NDE1: variants seen among roughly 807,000 people sequenced by gnomAD.
NDE1 encodes the protein nuclear distribution protein nudE homolog 1.
In NDE1, 28 loss-of-function variants were observed where a neutral mutation model predicts 43.4. The ratio of observed to expected loss-of-function variants is 0.65; its 90% CI spans 0.48 to 0.89. The LOEUF (loss-of-function observed/expected upper bound fraction) is 0.89. Among genes scored for constraint, NDE1 ranks in the 40% least tolerant of loss-of-function variants. The pLI, the probability that NDE1 is intolerant of heterozygous loss-of-function variation, is 0.00. For missense variants in NDE1, 441 were observed against 434.1 expected, an observed-to-expected ratio of 1.02 and a Z score of -0.14; for synonymous variants, 184 against 172.0, an observed-to-expected ratio of 1.07 and a Z score of -0.55.
intron 8 of NDE1, chr16:15,714,782 G>T: frequency 8.3e-7 from 1 of 1,209,620 alleles, no homozygotes; most frequent in Non-Finnish European, 1.2e-6. Flanking sequence ...GGAGAAGCAG[G>T]AATAAACCAC....
At position 15,653,577 on chromosome 16, in the gene NDE1, G is replaced by A. The variant is rs77533098; in HGVS notation, c.-44+3283G>A. ...ATGTTTATTGCTCCTGACTAGCAGT[G>A]CTGGGTTTCTTCTCTCAGAGGAAAG... is the stretch of plus-strand genomic sequence containing the variant. On this transcript the variant is annotated intron_variant, in intron 1 of 8. Coordinates refer to ENST00000396354, the MANE Select transcript of NDE1 (RefSeq NM_017668.3). Among the ~76,000 whole-genome samples the A allele has an allele frequency of 5.1e-3, 777 of 152,162 alleles. 8 individuals carry two copies. Among genetic ancestry groups the A allele is most frequent in the African/African-American group, 0.017 (724 of 41,502 alleles).
intron 1 of NDE1, among the ~76,000 whole-genome samples, chr16:15,659,992 C>G (rs1040696430): frequency 5.9e-5 from 9 of 151,906 alleles, no homozygotes; most frequent in African/African-American, 1.7e-4. Flanking sequence ...TGTGATCTGC[C>G]CGCCTCGGCC....
At chr16:15,701,656 C>T (rs1320935682) in intron 8 of NDE1, 1 of 152,230 alleles carries the variant, frequency 6.6e-6, no homozygotes, top group Non-Finnish European at 1.5e-5. Flanking sequence ...ACTGCTGTCT[C>T]TTTGGGACAC....
At chr16:15,666,339 C>G (rs2037306006) in intron 2 of NDE1, among the ~76,000 whole-genome samples, 1 of 151,946 alleles carries the variant, frequency 6.6e-6, no homozygotes, top group African/African-American at 2.4e-5. Context: ...TATTTTAGGT[C>G]CAGGCACAGT....
intron 8 of NDE1, among the ~76,000 whole-genome samples, chr16:15,712,562 C>T (rs1203954872): frequency 6.6e-6 from 1 of 152,012 alleles, no homozygotes; most frequent in African/African-American, 2.4e-5. Flanking sequence ...TGCTACTGCA[C>T]TCCAGCCTGG....
rs1443950324 is a variant in NDE1, at chr16:15,717,786, CCT to C, written c.948-6404_948-6403del. On this transcript the variant is annotated intron_variant, in intron 8 of 8. Coordinates refer to ENST00000396354, the MANE Select transcript of NDE1 (RefSeq NM_017668.3). ...ACTCCAGCCTGGGCCACAGAGAGACCCTGTCTCCAAAAAAAAGAGGTGCTTCC... is the reference window on the plus strand; with the variant it reads ...ACTCCAGCCTGGGCCACAGAGAGACCGTCTCCAAAAAAAAGAGGTGCTTCC... 9.1e-5 allele frequency: 24 copies of C among 264,354 alleles called. No individual in the cohort carries two copies. The South Asian group carries it at 1.1e-3, about 12-fold the overall frequency. The allele number at this position is 264,354 out of a possible 1,614,324, so 16.4% of individuals were successfully genotyped here.
intron 5 of NDE1, 134 bp from the exon 6 acceptor site, chr16:15,691,010 G>T: frequency 1.0e-6 from 1 of 983,476 alleles, no homozygotes; most frequent in Non-Finnish European, 1.6e-6. Flanking sequence ...GTTTCACCAT[G>T]TTGGTCAGGC....
At chr16:15,702,303 T>G (rs1397002086) in intron 8 of NDE1, among the ~76,000 whole-genome samples, 1 of 152,220 alleles carries the variant, frequency 6.6e-6, no homozygotes, top group African/African-American at 2.4e-5. Context: ...GAATGATTTA[T>G]TATGTTTTTA....
intron 8 of NDE1, chr16:15,712,882 G>GTTTTTGTTTTTTTTTTTTTTTTTTTTTT (rs2039888063): frequency 1.1e-5 from 1 of 90,636 alleles, no homozygotes; most frequent in African/African-American, 4.5e-5. Flanking sequence ...TTCACATACA[G>GTTTTTGTTTTTTTTTTTTTTTTTTTTTT]TTTTTTTTTT....
rs1202502115 is a variant in NDE1 at position 15,696,719 on chromosome 16, C to G, written c.806C>G (p.Ser269Cys). The change falls in exon 8 of 9, where the codon TCC (serine) becomes TGC (cysteine). Residue 269 changes from serine (S) to cysteine (C), a missense_variant. Transcript: ENST00000396354. Reference protein sequence around the residue: ...DLLRKVGALESKLASCRNLVY... With the variant: ...DLLRKVGALECKLASCRNLVY... ...TGTATTTCTGTCCAGGCACTGGAGT[C>G]CAAACTCGCTTCCTGCCGGAACCTC... 1 of 1,614,080 alleles carries G rather than the reference C, an allele frequency of 6.2e-7. No homozygotes were observed. Among genetic ancestry groups the G allele is most frequent in the African/African-American group, 1.3e-5 (1 of 74,948 alleles).
In NDE1 at chr16:15,718,282, G is replaced by A. The variant is rs748554033; in HGVS notation, c.948-5909G>A. The A allele has an allele frequency of 1.6e-5, 25 of 1,606,070 alleles. No homozygotes were observed. In the East Asian group the frequency reaches 4.0e-4, roughly 26 times the overall value. ...GATCCTGCTGCAGGAGAGACAGTAG[G>A]CAGCGTGACTGTGGTGTCCAGGCGG... On this transcript the variant is annotated intron_variant, in intron 8 of 8. Transcript: ENST00000396354.
intron 2 of NDE1, among the ~76,000 whole-genome samples, chr16:15,665,458 T>C (rs1250303604): frequency 6.6e-6 from 1 of 151,992 alleles, no homozygotes; most frequent in East Asian, 1.9e-4. Context: ...TCTTCTTTTT[T>C]TTTTGAGACA....
chr16:15,689,683 T>C (rs1230731029), intron 5 of NDE1, among the ~76,000 whole-genome samples: 1 of 152,202 alleles, frequency 6.6e-6, no homozygotes, highest in Non-Finnish European at 1.5e-5. Flanking sequence ...CTCACGCCTG[T>C]ATTCCCAGCA....
chr16:15,659,425 CTTTTTTTTT>C (rs35091023), intron 1 of NDE1, among the ~76,000 whole-genome samples: 26 of 58,908 alleles, frequency 4.4e-4, no homozygotes, highest in Middle Eastern at 0.02. Flanking sequence ...TGCACACAAT[CTTTTTTTTT>C]TTTTTTTTTT....
At chr16:15,717,021 C>T in intron 8 of NDE1, 1 of 1,104,172 alleles carries the variant, frequency 9.1e-7, no homozygotes, top group African/African-American at 1.5e-5. Context: ...CTGTAGGCAT[C>T]ACAGAGCTTG....
At chr16:15,719,638 C>T (rs1342104521) in intron 8 of NDE1, 2 of 1,614,208 alleles carry the variant, frequency 1.2e-6, no homozygotes, top group South Asian at 2.2e-5. Flanking sequence ...TTCTCATTCT[C>T]TTTGGCTGTG....
At chr16:15,666,811 A>G (rs2037330968) in intron 2 of NDE1, among the ~76,000 whole-genome samples, 1 of 152,098 alleles carries the variant, frequency 6.6e-6, no homozygotes, top group Non-Finnish European at 1.5e-5. Flanking sequence ...TTCTGTAGAG[A>G]TGAGGTCTTA....
At chr16:15,719,417 C>G (rs2040347570) in intron 8 of NDE1, 18 of 1,477,028 alleles carry the variant, frequency 1.2e-5, no homozygotes, top group Non-Finnish European at 1.7e-5. Flanking sequence ...TTCCTCTGAG[C>G]TCAGGGGAGG....
At chr16:15,690,185 C>T (rs138450252) in intron 5 of NDE1, among the ~76,000 whole-genome samples, 3,012 of 151,808 alleles carry the variant, frequency 0.02, 53 homozygotes, top group South Asian at 0.068. Context: ...GCTGGGACTA[C>T]AGGCGCTCAC....
Sources: allele counts gnomAD v4.1 joint callset (sites outside exome capture counted in the v4.1 genomes callset), GRCh38; gene constraint gnomAD v4.1.1; transcripts MANE v1.5; gene names NCBI Gene and HGNC (gene_info 2026-07-23, HGNC 2026-07-21).